PDGFRL: variants seen among roughly 807,000 people sequenced by gnomAD.
PDGFRL encodes platelet derived growth factor receptor like.
A neutral mutation model predicts 37.2 loss-of-function variants in PDGFRL; 46 were observed. The ratio of observed to expected loss-of-function variants is 1.24; its 90% CI spans 0.98 to 1.58. PDGFRL has a LOEUF of 1.58. PDGFRL is among the 40% of genes most tolerant of loss of function. The pLI, the probability that PDGFRL is intolerant of heterozygous loss-of-function variation, is 0.00. For synonymous variants in PDGFRL, 251 were observed against 184.3 expected, an observed-to-expected ratio of 1.36 and a Z score of -2.93; for missense variants, 692 against 467.6, an observed-to-expected ratio of 1.48 and a Z score of -4.43.
At chr8:17,599,194 C>T (rs376072874) in intron 2 of PDGFRL, among the ~76,000 whole-genome samples, 3 of 152,060 alleles carry the variant, frequency 2.0e-5, no homozygotes, top group East Asian at 1.9e-4. Flanking sequence ...TGGTTACATA[C>T]GTTCTTTAGT....
rs778593987 is a variant in PDGFRL at position 17,598,641 on chromosome 8, C to G, written c.353+8876C>G. On this transcript the variant is annotated intron_variant, in intron 2 of 5. Transcript: ENST00000251630. ...ATTAATGTATTTCATATCTATGGTG[C>G]TGTGTCACCTGGATCCATCCCCATT... 4.6e-5 allele frequency among the ~76,000 whole-genome samples: 7 copies of G among 152,178 alleles called. No individual in the cohort carries two copies. In the East Asian group the frequency reaches 1.3e-3, roughly 29 times the overall value.
intron 2 of PDGFRL, among the ~76,000 whole-genome samples, chr8:17,600,189 C>G (rs1399012211): frequency 6.6e-6 from 1 of 152,072 alleles, no homozygotes; most frequent in African/African-American, 2.4e-5. Flanking sequence ...ATTTTTTCAC[C>G]AAGGTCAACA....
chr8:17,582,987 G>C (rs1307087824), intron 1 of PDGFRL, among the ~76,000 whole-genome samples: 1 of 152,116 alleles, frequency 6.6e-6, no homozygotes, highest in Non-Finnish European at 1.5e-5. Flanking sequence ...CCCAGGTGTG[G>C]TTCCAGATGG....
At chr8:17,590,235 TCAA>T (rs1803906758) in intron 2 of PDGFRL, among the ~76,000 whole-genome samples, 1 of 1,576 alleles carries the variant, frequency 6.3e-4, no homozygotes. Flanking sequence ...AGACTCCATC[TCAA>T]AAAAAAAAAA....
chr8:17,617,231 G>T (rs750443528), intron 2 of PDGFRL, among the ~76,000 whole-genome samples: 1 of 152,204 alleles, frequency 6.6e-6, no homozygotes, highest in Non-Finnish European at 1.5e-5. Flanking sequence ...TCCTAGTTTA[G>T]AAAGAAAAGG....
intron 2 of PDGFRL, among the ~76,000 whole-genome samples, chr8:17,600,847 T>C (rs1804152564): frequency 6.6e-6 from 1 of 150,542 alleles, no homozygotes; most frequent in Admixed American, 6.6e-5. Context: ...CCAGGCATAG[T>C]AGTGCACCCC....
At chr8:17,623,873 C>CAAAA (rs67846013) in intron 3 of PDGFRL, among the ~76,000 whole-genome samples, 7,067 of 141,914 alleles carry the variant, frequency 0.05, 605 homozygotes, top group African/African-American at 0.17. Flanking sequence ...GACTTTACCT[C>CAAAA]AAAAAAAAAA....
chr8:17,580,056 C>A lies in PDGFRL; in HGVS notation c.55+2749C>A, dbSNP rs146826677. ...TTACCTACATATTTTTATTGAATGT[C>A]AGGAGCAAACACTGAAGTGTTAATA... On this transcript the variant is annotated intron_variant, in intron 1 of 5. Transcript: ENST00000251630. Among the ~76,000 whole-genome samples the A allele has an allele frequency of 2.0e-5, 3 of 152,100 alleles. No homozygotes were observed. In the East Asian group the frequency reaches 5.8e-4, roughly 29 times the overall value.
At chr8:17,620,320 A>T (rs572668711) in intron 2 of PDGFRL, among the ~76,000 whole-genome samples, 2 of 152,292 alleles carry the variant, frequency 1.3e-5, no homozygotes, top group African/African-American at 4.8e-5. Flanking sequence ...ATATGTAGCA[A>T]TGTATGGTGA....
chr8:17,617,997 CTTTTTT>C (rs377333888), intron 2 of PDGFRL, among the ~76,000 whole-genome samples: 4 of 33,864 alleles, frequency 1.2e-4, no homozygotes, highest in African/African-American at 1.3e-4. Flanking sequence ...CTTTTCTTTT[CTTTTTT>C]TTTTAATTTG....
chr8:17,608,673 A>AG (rs1032096411), intron 2 of PDGFRL, among the ~76,000 whole-genome samples: 4 of 152,190 alleles, frequency 2.6e-5, no homozygotes, highest in Admixed American at 1.3e-4. Flanking sequence ...AATGCTTATG[A>AG]GGGGGGAAAA....
Position 17,642,928 on chromosome 8 carries a change from G to C in PDGFRL, c.*127G>C, listed in dbSNP as rs1042224601. ...CACCACACCCCAACCCCAGCGTCTC[G>C]TGAGTCCGACCCAGACATCCAAACT... is the stretch of plus-strand genomic sequence containing the variant. On this transcript the variant is annotated 3_prime_UTR_variant, in exon 6 of 6. Coordinates refer to ENST00000251630, the MANE Select transcript of PDGFRL (RefSeq NM_001372073.1). 1.6e-6 allele frequency: 1 copy of C among 626,130 alleles called. No homozygotes were observed. Among genetic ancestry groups the C allele is most frequent in the Non-Finnish European group, 2.8e-6 (1 of 354,966 alleles). 38.8% of individuals were successfully genotyped at this position (626,130 alleles called of 1,614,324 possible).
At chr8:17,594,690 G>A (rs977664932) in intron 2 of PDGFRL, among the ~76,000 whole-genome samples, 4 of 152,162 alleles carry the variant, frequency 2.6e-5, no homozygotes, top group African/African-American at 9.7e-5. Flanking sequence ...GAGTAGCTGG[G>A]ATTACAGGCA....
At chr8:17,640,766 G>A (rs1455299682) in intron 5 of PDGFRL, among the ~76,000 whole-genome samples, 1 of 152,122 alleles carries the variant, frequency 6.6e-6, no homozygotes, top group Non-Finnish European at 1.5e-5. Context: ...CCAGGAGGTG[G>A]CACTTTAAAG....
chr8:17,604,662 C>A (rs1804235117), intron 2 of PDGFRL, among the ~76,000 whole-genome samples: 1 of 151,970 alleles, frequency 6.6e-6, no homozygotes, highest in South Asian at 2.1e-4. Flanking sequence ...GTGCAGCATA[C>A]CAGCATGGCA....
rs374144885 is a variant in PDGFRL, at chr8:17,634,920, G to A, written c.939+707G>A. ...GAAATGATCTGTCATTTCATGACAC[G>A]AGTTTACCTATATAACAGACTTGCA... On this transcript the variant is annotated intron_variant, in intron 5 of 5. Transcript: ENST00000251630. Among the ~76,000 whole-genome samples the A allele has an allele frequency of 1.1e-3, 174 of 151,946 alleles. 1 individual carries two copies. The highest frequency in any genetic ancestry group is 4.0e-3 in the African/African-American group (166 of 41,352).
chr8:17,638,240 G>T (rs1363376238), intron 5 of PDGFRL, among the ~76,000 whole-genome samples: 1 of 152,098 alleles, frequency 6.6e-6, no homozygotes, highest in Admixed American at 6.5e-5. Context: ...TTGATAGGTT[G>T]TGCTACTATT....
In PDGFRL at chr8:17,577,268, C is replaced by T; in HGVS notation, c.16C>T (p.Leu6=). 1.2e-6 allele frequency: 2 copies of T among 1,613,046 alleles called. No homozygotes were observed. Among genetic ancestry groups the T allele is most frequent in the Non-Finnish European group, 1.7e-6 (2 of 1,179,626 alleles). Residue 6 remains leucine, a synonymous_variant, in exon 1 of 6, where the codon CTG becomes TTG. Transcript: ENST00000251630. Reference sequence around the variant, plus strand: ...GGTTCCCGAGATGAAGGTCTGGCTGCTGCTTGGTCTTCTGCTGGTGCACGA... The same window carrying T: ...GGTTCCCGAGATGAAGGTCTGGCTGTTGCTTGGTCTTCTGCTGGTGCACGA... MKVWL[L]LGLLLVHEAL... is the part of the protein sequence containing the mutation.
intron 2 of PDGFRL, among the ~76,000 whole-genome samples, chr8:17,613,507 G>A (rs993866569): frequency 6.6e-6 from 1 of 152,148 alleles, no homozygotes; most frequent in African/African-American, 2.4e-5. Context: ...GAGTGATGCC[G>A]GCAGGGCTGG....
Sources: gnomAD v4.1 joint callset for allele counts (sites outside exome capture counted in the v4.1 genomes callset) on GRCh38, gnomAD v4.1.1 for gene constraint, MANE v1.5 for transcripts, NCBI Gene and HGNC (gene_info 2026-07-23, HGNC 2026-07-21) for gene names.